The following ACO1 variants were observed in gnomAD, a reference collection of about 807,000 sequenced individuals.
ACO1 encodes the protein cytoplasmic aconitate hydratase.
ACO1 carries 78 observed loss-of-function variants against 105.1 expected under a neutral mutation model. The ratio of observed to expected loss-of-function variants is 0.74; its 90% confidence interval spans 0.62 to 0.90. The LOEUF (loss-of-function observed/expected upper bound fraction) is 0.90. Among genes scored for constraint, ACO1 ranks in the 40% least tolerant of loss-of-function variants. The pLI is 0.00. For synonymous variants in ACO1, 364 were observed against 397.4 expected (o/e 0.92, Z 1.00); for missense variants, 965 against 1,111.1 (o/e 0.87, Z 1.87).
In ACO1 at chr9:32,430,561, G is replaced by T. The variant is rs1289736040; in HGVS notation, c.1713G>T (p.Glu571Asp). 36 of 1,604,204 alleles carry T rather than the reference G, an allele frequency of 2.2e-5. No homozygotes were observed. Among genetic ancestry groups the T allele is most frequent in the Non-Finnish European group, 2.8e-5 (33 of 1,176,018 alleles). The change falls in exon 14 of 21, where the codon GAG (glutamate) becomes GAT (aspartate). Residue 571 changes from glutamate (E) to aspartate (D), a missense_variant. Physicochemically the swap from Glu to Asp is conservative, Grantham distance 45. Transcript: ENST00000309951. ...AIAGTIRIDF[E>D]KEPLGVNAKG... Reference sequence around the variant, plus strand: ...CTGGAACCATCAGAATCGACTTTGAGAAAGAGCCATTGGGTAAGATTTTGT... The same window carrying T: ...CTGGAACCATCAGAATCGACTTTGATAAAGAGCCATTGGGTAAGATTTTGT...
Position 32,399,966 on chromosome 9 carries a change from G to GTTTTTTTTTT in ACO1, c.-22-5506_-22-5497dup, listed in dbSNP as rs57615512. Among the ~76,000 whole-genome samples, 231 of 69,812 alleles carry GTTTTTTTTTT rather than the reference G, an allele frequency of 3.3e-3. 19 individuals carry two copies. Among genetic ancestry groups the GTTTTTTTTTT allele is most frequent in the East Asian group, 4.6e-3 (9 of 1,972 alleles). 45.8% of individuals were successfully genotyped at this position (69,812 alleles called of 152,430 possible). ...ATTTCTTTTATTTTTTTCTTTTTCT[G>GTTTTTTTTTT]TTTTTTTTTTTTTTTTTTTTTTGCG... On this transcript the variant is annotated intron_variant, in intron 1 of 20. Transcript: ENST00000309951.
chr9:32,389,351 A>G (rs1160773459), intron 1 of ACO1, among the ~76,000 whole-genome samples: 1 of 152,196 alleles, frequency 6.6e-6, no homozygotes, highest in African/African-American at 2.4e-5. Flanking sequence ...TCAAGCATGA[A>G]TAAATATTAC....
chr9:32,385,448 A>G (rs753576393), intron 1 of ACO1, among the ~76,000 whole-genome samples: 7 of 152,194 alleles, frequency 4.6e-5, no homozygotes, highest in Non-Finnish European at 8.8e-5. Flanking sequence ...AGGAGCTTTT[A>G]TGTGTGTTAT....
In ACO1 at chr9:32,454,309, T is replaced by C. The variant is rs1414119105; in HGVS notation, c.*4198T>C. The C allele has an allele frequency of 2.6e-5, 4 of 152,208 alleles. No individual in the cohort carries two copies. The highest frequency in any genetic ancestry group is 2.1e-4 in the South Asian group (1 of 4,828). 9.4% of individuals were successfully genotyped at this position (152,208 alleles called of 1,614,324 possible). A position where few individuals can be genotyped will look rare whatever the true frequency, so the allele number is the denominator to read the frequency against. Reference sequence around the variant, plus strand: ...CTCCACAGGATACTCTTGAGAAACATTGAGCTATGGTTGGTCTGTTGTTTG... The same window carrying C: ...CTCCACAGGATACTCTTGAGAAACACTGAGCTATGGTTGGTCTGTTGTTTG... On this transcript the variant is annotated 3_prime_UTR_variant, in exon 21 of 21. Coordinates refer to ENST00000309951, the MANE Select transcript of ACO1 (RefSeq NM_002197.3).
At chr9:32,393,363 G>A (rs558649810) in intron 1 of ACO1, among the ~76,000 whole-genome samples, 4 of 152,234 alleles carry the variant, frequency 2.6e-5, no homozygotes, top group South Asian at 2.1e-4. Flanking sequence ...CTCCTGTAGC[G>A]CTCCCAGGCT....
chr9:32,433,878 C>T, intron 16 of ACO1, 46 bp downstream of exon 16: 1 of 1,437,388 alleles, frequency 7.0e-7, no homozygotes, highest in Non-Finnish European at 9.6e-7. Flanking sequence ...TGAAGGGTTT[C>T]TTTCCTAATA....
intron 11 of ACO1, among the ~76,000 whole-genome samples, chr9:32,426,377 G>A (rs1221161116): frequency 6.6e-6 from 1 of 152,182 alleles, no homozygotes; most frequent in Non-Finnish European, 1.5e-5. Flanking sequence ...GTGAATGCTG[G>A]GAGGTGTTTC....
At position 32,387,570 on chromosome 9, in the gene ACO1, A is replaced by T. The variant is rs1316629337; in HGVS notation, c.-23+2835A>T. 3.9e-5 allele frequency among the ~76,000 whole-genome samples: 6 copies of T among 152,142 alleles called. No individual in the cohort carries two copies. In the East Asian group the frequency reaches 9.6e-4, roughly 24 times the overall value. The stretch of plus-strand genomic sequence containing the variant: ...TCTTTAGCCTAGACAAAGATCCTAG[A>T]TATAGGGTGTATGATTCAAGTCCTC... On this transcript the variant is annotated intron_variant, in intron 1 of 20. Coordinates refer to ENST00000309951, the MANE Select transcript of ACO1 (RefSeq NM_002197.3).
At chr9:32,392,789 C>T (rs949075725) in intron 1 of ACO1, among the ~76,000 whole-genome samples, 18 of 152,184 alleles carry the variant, frequency 1.2e-4, no homozygotes, top group Admixed American at 9.8e-4. Context: ...GGCAGAAGAA[C>T]ATAAATTGTG....
Position 32,439,082 on chromosome 9 carries a change from C to T in ACO1, c.2248-1383C>T, listed in dbSNP as rs772403491. 2.0e-5 allele frequency among the ~76,000 whole-genome samples: 3 copies of T among 152,198 alleles called. No homozygotes were observed. The highest frequency in any genetic ancestry group is 6.5e-5 in the Admixed American group (1 of 15,278). ...CGTGTTTAATAGAAAAGTCAGGAGACGTGAGTTCTAGACCTGCTTAGTCCC... is the reference window on the plus strand; with the variant it reads ...CGTGTTTAATAGAAAAGTCAGGAGATGTGAGTTCTAGACCTGCTTAGTCCC... On this transcript the variant is annotated intron_variant, in intron 18 of 20. Transcript: ENST00000309951. The surrounding 1 kb of genome is among the most constrained non-coding windows in gnomAD (Gnocchi z 4.0).
intron 19 of ACO1, among the ~76,000 whole-genome samples, chr9:32,447,922 C>T (rs745807714): frequency 1.3e-5 from 2 of 152,334 alleles, no homozygotes; most frequent in Non-Finnish European, 1.5e-5. Context: ...CGATTGCTGC[C>T]TCTTCCTTCC....
intron 1 of ACO1, among the ~76,000 whole-genome samples, chr9:32,392,142 AT>A (rs1039983748): frequency 2.6e-5 from 4 of 151,972 alleles, no homozygotes; most frequent in African/African-American, 9.7e-5. Context: ...AATGAGATTT[AT>A]TTTTTTTAAA....
chr9:32,427,351 A>G lies in ACO1; in HGVS notation c.1399A>G (p.Ile467Val). 1.9e-6 allele frequency: 3 copies of G among 1,614,222 alleles called. No homozygotes were observed. The highest frequency in any genetic ancestry group is 1.3e-5 in the African/African-American group (1 of 75,064). ...VDAGLNVMPYIKTSLSPGSGV... is the reference protein window; with the variant it reads ...VDAGLNVMPYVKTSLSPGSGV... ...TGCTGGCCTGAACGTGATGCCTTAC[A>G]TCAAAACTAGCCTGTCTCCTGGGAG... is the stretch of plus-strand genomic sequence containing the variant. Residue 467 changes from isoleucine to valine, a missense_variant, in exon 12 of 21, where the codon ATC becomes GTC. Physicochemically the swap from Ile to Val is conservative, Grantham distance 29. Transcript: ENST00000309951.
chr9:32,446,986 G>A (rs146195711), intron 19 of ACO1, among the ~76,000 whole-genome samples: 241 of 152,232 alleles, frequency 1.6e-3, no homozygotes, highest in African/African-American at 5.4e-3. Flanking sequence ...TGGGTAACCC[G>A]ACCTTTCTCT....
At chr9:32,391,846 G>A (rs751733079) in intron 1 of ACO1, among the ~76,000 whole-genome samples, 11 of 152,150 alleles carry the variant, frequency 7.2e-5, no homozygotes, top group Non-Finnish European at 1.2e-4. Context: ...AAGAATCTGC[G>A]ATGTACAAGA....
intron 1 of ACO1, among the ~76,000 whole-genome samples, chr9:32,397,591 A>G (rs1821399079): frequency 6.6e-6 from 1 of 152,258 alleles, no homozygotes; most frequent in African/African-American, 2.4e-5. Flanking sequence ...GTTTATAAGT[A>G]GCATGATGTT....
intron 19 of ACO1, among the ~76,000 whole-genome samples, chr9:32,448,569 C>CCTGGTACAGTCTCTCATGGCTTCCCTTGG (rs1268926281): frequency 6.6e-6 from 1 of 152,222 alleles, no homozygotes; most frequent in Admixed American, 6.5e-5. Context: ...CACTGTTCCT[C>CCTGGTACAGTCTCTCATGGCTTCCCTTGG]CTGGTACAGT....
chr9:32,404,461 AATTAGTTGCCAACT>A (rs1821562458), intron 1 of ACO1, among the ~76,000 whole-genome samples: 1 of 152,288 alleles, frequency 6.6e-6, no homozygotes. Context: ...GTTTAGAAAA[AATTAGTTGCCAACT>A]TTTATAAGCC....
chr9:32,431,967 C>A, intron 15 of ACO1, 124 bp downstream of exon 15: 1 of 1,146,776 alleles, frequency 8.7e-7, no homozygotes, highest in Non-Finnish European at 1.2e-6. Flanking sequence ...TTTATTTCTT[C>A]AGATGACTGG....
Sources: gnomAD v4.1 joint callset for allele counts (sites outside exome capture counted in the v4.1 genomes callset) on GRCh38, gnomAD v4.1.1 for gene constraint, Gnocchi (gnomAD v3.1) non-coding constraint, MANE v1.5 for transcripts, NCBI Gene and HGNC (gene_info 2026-07-23, HGNC 2026-07-21) for gene names.